SLC5A6: variants seen among roughly 807,000 people sequenced by gnomAD.
SLC5A6 encodes sodium-dependent multivitamin transporter.
In SLC5A6, 31 loss-of-function variants were observed where a neutral mutation model predicts 67.9. The observed-to-expected ratio is 0.46, with a 90% confidence interval of 0.34 to 0.62. The LOEUF (loss-of-function observed/expected upper bound fraction) is 0.62. Among genes scored for constraint, SLC5A6 ranks in the 20% least tolerant of loss-of-function variants. The pLI is 0.01. For missense variants in SLC5A6, 673 were observed against 812.8 expected (o/e 0.83, Z 2.09); for synonymous variants, 343 against 331.0 (o/e 1.04, Z -0.39).
At chr2:27,203,598 G>T (rs1032915670) in intron 10 of SLC5A6, among the ~76,000 whole-genome samples, 181 bp downstream of exon 10, 1 of 152,158 alleles carries the variant, frequency 6.6e-6, no homozygotes, top group African/African-American at 2.4e-5. Flanking sequence ...CAAAACAGGG[G>T]TATCTCTGTT....
chr2:27,207,030 G>C lies in SLC5A6; in HGVS notation c.394-88C>G. ...CCTCAAGATGCTCAGGAACATGAGG[G>C]AATATCCAACCCATACCCACTCTGA... On this transcript the variant is annotated intron_variant, in intron 3 of 16. Coordinates refer to ENST00000310574, the MANE Select transcript of SLC5A6 (RefSeq NM_021095.4). The surrounding 1 kb of genome is among the most constrained non-coding windows in gnomAD (Gnocchi z 5.5). 8 of 1,237,688 alleles carry C rather than the reference G, an allele frequency of 6.5e-6. No individual in the cohort carries two copies. The highest frequency in any genetic ancestry group is 9.5e-6 in the Non-Finnish European group (8 of 837,806). 76.7% of individuals were successfully genotyped at this position (1,237,688 alleles called of 1,614,324 possible). A position where few individuals can be genotyped will look rare whatever the true frequency, so the allele number is the denominator to read the frequency against.
At chr2:27,203,891 A>T in intron 9 of SLC5A6, 24 bp from the exon 10 acceptor site, 1 of 1,577,786 alleles carries the variant, frequency 6.3e-7, no homozygotes, top group Non-Finnish European at 8.7e-7. Context: ...GGAGGTACAC[A>T]GCAGTCCTCA....
In SLC5A6 at chr2:27,201,982, A is replaced by G. The variant is rs1220917628; in HGVS notation, c.1362+6T>C. 6.2e-6 allele frequency: 10 copies of G among 1,612,766 alleles called. No homozygotes were observed. Among genetic ancestry groups the G allele is most frequent in the Non-Finnish European group, 8.5e-6 (10 of 1,178,762 alleles). ...ACATGACTGTGGATCCAGATGCATC[A>G]CTCACAGGAGGGTTAGCACATGGAA... is the stretch of plus-strand genomic sequence containing the variant. On this transcript the variant is annotated splice_donor_region_variant and intron_variant, in intron 13 of 16. Transcript: ENST00000310574.
intron 2 of SLC5A6, among the ~76,000 whole-genome samples, chr2:27,210,356 G>A (rs73921470): frequency 0.055 from 8,442 of 152,188 alleles, 269 homozygotes; most frequent in African/African-American, 0.082. Flanking sequence ...GAAAGAGGGC[G>A]GCCAAAAGCA....
intron 14 of SLC5A6, 23 bp downstream of exon 14, chr2:27,201,643 G>A (rs761597123): frequency 6.2e-7 from 1 of 1,609,098 alleles, no homozygotes; most frequent in Non-Finnish European, 8.5e-7. Context: ...GAGAAAACAA[G>A]AAGATAGCAA....
chr2:27,204,342 T>C, intron 9 of SLC5A6, 119 bp downstream of exon 9: 1 of 1,186,018 alleles, frequency 8.4e-7, no homozygotes, highest in South Asian at 1.5e-5. Context: ...TGGGAAAGGA[T>C]TTTACAACCG....
intron 2 of SLC5A6, among the ~76,000 whole-genome samples, chr2:27,209,729 C>T (rs1275531): frequency 0.99 from 151,564 of 152,340 alleles, 75,397 homozygotes; most frequent in Middle Eastern, 1. Context: ...GATTAGGCTG[C>T]CTTTCCGCTC....
rs1398611363 is a variant in SLC5A6, at chr2:27,207,308, G to A, written c.343C>T (p.His115Tyr). ...CYFLGLLIPA[H>Y]IFIPVFYRLH... ...CGGTAGAAAACGGGGATGAAGATGT[G>A]TGCAGGTATCAGCAGCCCCAGAAAG... Residue 115 changes from histidine (H) to tyrosine (Y), a missense_variant, in exon 3 of 17, where the codon CAC becomes TAC. Coordinates refer to ENST00000310574, the MANE Select transcript of SLC5A6 (RefSeq NM_021095.4). The surrounding 1 kb of genome is among the most constrained non-coding windows in gnomAD (Gnocchi z 5.5). The A allele has an allele frequency of 6.2e-7, 1 of 1,614,046 alleles. No homozygotes were observed. The highest frequency in any genetic ancestry group is 1.7e-5 in the Admixed American group (1 of 60,010).
chr2:27,201,892 GC>G lies in SLC5A6; in HGVS notation c.1363-46del, dbSNP rs765607847. On this transcript the variant is annotated intron_variant, in intron 13 of 16. Transcript: ENST00000310574. ...GCCTGTCACAAGGCCAGTCCTGCCA[GC>G]CCTCACGGCAGTCCTCAGCTCTCCT... 1.6e-5 allele frequency: 25 copies of G among 1,610,064 alleles called. No homozygotes were observed. In the African/African-American group the frequency reaches 1.9e-4, roughly 12 times the overall value.
intron 5 of SLC5A6, 102 bp downstream of exon 5, chr2:27,206,381 C>A (rs1455232845): frequency 4.4e-6 from 5 of 1,129,080 alleles, no homozygotes; most frequent in Non-Finnish European, 6.6e-6. Flanking sequence ...ATTCCCCATT[C>A]AAGGTCAGGT....
At chr2:27,212,575 C>T, upstream of SLC5A6, 1 of 1,468,444 alleles carries the variant, frequency 6.8e-7, no homozygotes, top group South Asian at 1.4e-5. Flanking sequence ...GTTCTGATTT[C>T]GTCCCTGACG....
chr2:27,203,877 G>A lies in SLC5A6; in HGVS notation c.1006-10C>T. 2.5e-6 allele frequency: 4 copies of A among 1,610,492 alleles called. No homozygotes were observed. Among genetic ancestry groups the A allele is most frequent in the African/African-American group, 1.3e-5 (1 of 74,962 alleles). ...CAAAGTACAGGACGAACTGCAAGCAGAGCGGAGGTACACAGCAGTCCTCAG... is the reference window on the plus strand; with the variant it reads ...CAAAGTACAGGACGAACTGCAAGCAAAGCGGAGGTACACAGCAGTCCTCAG... On this transcript the variant is annotated splice_polypyrimidine_tract_variant and intron_variant, in intron 9 of 16. Transcript: ENST00000310574.
intron 2 of SLC5A6, among the ~76,000 whole-genome samples, chr2:27,208,889 A>G (rs1215490991): frequency 6.6e-6 from 1 of 152,232 alleles, no homozygotes; most frequent in Non-Finnish European, 1.5e-5. Flanking sequence ...CTTTCAGCCT[A>G]AAGTACTCTT....
Position 27,207,065 on chromosome 2 carries a change from G to A in SLC5A6, c.394-123C>T, listed in dbSNP as rs193213451. The A allele has an allele frequency of 1.6e-5, 16 of 1,023,880 alleles. No homozygotes were observed. Among genetic ancestry groups the A allele is most frequent in the Admixed American group, 1.4e-4 (8 of 57,218 alleles). 63.4% of individuals were successfully genotyped at this position (1,023,880 alleles called of 1,614,324 possible). ...CCCATACCCACTCTGAGTCCTACTC[G>A]GCATAGCACCCTCCTCTCCAATCCT... On this transcript the variant is annotated intron_variant, in intron 3 of 16. Transcript: ENST00000310574. The surrounding 1 kb of genome is among the most constrained non-coding windows in gnomAD (Gnocchi z 5.5).
Position 27,207,551 on chromosome 2 carries a change from G to A in SLC5A6, c.100C>T (p.Leu34=), listed in dbSNP as rs1229699885. The change falls in exon 3 of 17, where the codon CTG becomes TTG. Residue 34 remains leucine (L), a synonymous_variant. Transcript: ENST00000310574. The surrounding 1 kb of genome is among the most constrained non-coding windows in gnomAD (Gnocchi z 5.5). ...FSIMDYVVFV[L]LLVLSLAIGL... ...ATGGCAAGAGAGAGAACCAGCAGCA[G>A]GACGAACACCACATAGTCCATGATG... 4.3e-6 allele frequency: 7 copies of A among 1,614,242 alleles called. No individual in the cohort carries two copies. The highest frequency in any genetic ancestry group is 2.2e-5 in the East Asian group (1 of 44,892).
chr2:27,209,809 A>G (rs1202871809), intron 2 of SLC5A6, among the ~76,000 whole-genome samples: 1 of 152,174 alleles, frequency 6.6e-6, no homozygotes, highest in African/African-American at 2.4e-5. Context: ...CTAAACCTGA[A>G]CTCTGAACCT....
At chr2:27,205,284 C>T in intron 7 of SLC5A6, 66 bp downstream of exon 7, 1 of 1,520,790 alleles carries the variant, frequency 6.6e-7, no homozygotes, top group South Asian at 1.2e-5. Flanking sequence ...TAGCCAAGAC[C>T]AGCCTCTAGG....
intron 2 of SLC5A6, among the ~76,000 whole-genome samples, chr2:27,210,868 C>T (rs1674433061): frequency 6.6e-6 from 1 of 151,738 alleles, no homozygotes; most frequent in Admixed American, 6.6e-5. Flanking sequence ...CTAAAAAATA[C>T]AAAAAATTAG....
rs774615789 is a variant in SLC5A6 at position 27,205,395 on chromosome 2, C to T, written c.689G>A (p.Arg230His). ...VGSAKVGGLG[R>H]VWAVASQHGR... The stretch of plus-strand genomic sequence containing the variant: ...GTGCTGGGAAGCCACGGCCCACACA[C>T]GCCCCAAGCCGCCCACCTTGGCTGA... Residue 230 changes from arginine (R) to histidine (H), a missense_variant, in exon 7 of 17, where the codon CGT becomes CAT. By Grantham distance (29) the Arg-to-His change is conservative. Transcript: ENST00000310574. 1.5e-5 allele frequency: 25 copies of T among 1,614,058 alleles called. No individual in the cohort carries two copies. Among genetic ancestry groups the T allele is most frequent in the Admixed American group, 6.7e-5 (4 of 59,994 alleles).
Sources: gnomAD v4.1 joint callset for allele counts (sites outside exome capture counted in the v4.1 genomes callset) on GRCh38, gnomAD v4.1.1 for gene constraint, Gnocchi (gnomAD v3.1) non-coding constraint, MANE v1.5 for transcripts, NCBI Gene and HGNC (gene_info 2026-07-23, HGNC 2026-07-21) for gene names.